Variants in GABRB1 observed in about 807,000 individuals in gnomAD.
GABRB1 encodes gamma-aminobutyric acid receptor subunit beta-1.
A neutral mutation model predicts 51.6 loss-of-function variants in GABRB1; 17 were observed. The observed-to-expected ratio is 0.33, with a 90% CI of 0.23 to 0.49. GABRB1 has a LOEUF of 0.49. GABRB1 is among the 20% of genes least tolerant of loss of function. GABRB1 has a pLI of 0.99. For synonymous variants in GABRB1, 247 were observed against 218.9 expected, an observed-to-expected ratio of 1.13 and a Z score of -1.14; for missense variants, 410 against 600.6, an observed-to-expected ratio of 0.68 and a Z score of 3.32.
chr4:47,043,470 A>G (rs889411977), intron 3 of GABRB1: 17 of 152,062 alleles, frequency 1.1e-4, no homozygotes, highest in African/African-American at 3.6e-4. Flanking sequence ...ATTTTACAGG[A>G]TGGCATCTGT....
At chr4:47,001,288 G>T (rs552747745) in intron 1 of GABRB1, among the ~76,000 whole-genome samples, 1 of 151,706 alleles carries the variant, frequency 6.6e-6, no homozygotes, top group Admixed American at 6.6e-5. Context: ...GACTACAGGC[G>T]CCCCCCACCA....
At chr4:47,187,314 T>C (rs1346435695) in intron 4 of GABRB1, among the ~76,000 whole-genome samples, 2 of 151,846 alleles carry the variant, frequency 1.3e-5, no homozygotes, top group African/African-American at 4.8e-5. Context: ...GATGCATACA[T>C]ACCTTAGGGA....
At chr4:47,110,699 C>T (rs570908474) in intron 3 of GABRB1, among the ~76,000 whole-genome samples, 2 of 152,034 alleles carry the variant, frequency 1.3e-5, no homozygotes, top group African/African-American at 4.8e-5. Context: ...TGATGAAAGC[C>T]AAGTTTTAGA....
At chr4:47,417,021 C>T (rs1169709398) in intron 8 of GABRB1, among the ~76,000 whole-genome samples, 1 of 152,112 alleles carries the variant, frequency 6.6e-6, no homozygotes, top group Admixed American at 6.5e-5. Flanking sequence ...CCTACTAAAA[C>T]ATAGAATGGG....
intron 3 of GABRB1, among the ~76,000 whole-genome samples, chr4:47,146,815 CG>C (rs1392895522): frequency 6.6e-6 from 1 of 151,962 alleles, no homozygotes; most frequent in African/African-American, 2.4e-5. Flanking sequence ...GAGTTTTCTG[CG>C]TGACTTTTCT....
chr4:47,322,191 T>C (rs1725108912), intron 5 of GABRB1, among the ~76,000 whole-genome samples: 1 of 152,138 alleles, frequency 6.6e-6, no homozygotes, highest in African/African-American at 2.4e-5. Flanking sequence ...TGTCAGATAA[T>C]AGGTGGTGAC....
intron 4 of GABRB1, among the ~76,000 whole-genome samples, chr4:47,250,627 C>A (rs941323379): frequency 1.6e-4 from 25 of 152,078 alleles, no homozygotes; most frequent in African/African-American, 6.0e-4. Context: ...TCCCAGACTT[C>A]TTGGAGGCTT....
intron 4 of GABRB1, among the ~76,000 whole-genome samples, chr4:47,264,518 G>A (rs1359193186): frequency 6.6e-6 from 1 of 152,150 alleles, no homozygotes; most frequent in East Asian, 1.9e-4. Context: ...CTACTCTTTG[G>A]GGATTTGTCT....
chr4:47,407,049 A>G (rs1728599528), intron 8 of GABRB1, 123 bp downstream of exon 8: 1 of 980,876 alleles, frequency 1.0e-6, no homozygotes, highest in African/African-American at 1.6e-5. Context: ...GACTCAACCA[A>G]GCCTTCATTT....
At chr4:47,407,933 A>T (rs974194120) in intron 8 of GABRB1, among the ~76,000 whole-genome samples, 1 of 152,156 alleles carries the variant, frequency 6.6e-6, no homozygotes, top group African/African-American at 2.4e-5. Context: ...CTCTACAAAA[A>T]ATATAAAAAT....
intron 5 of GABRB1, among the ~76,000 whole-genome samples, chr4:47,389,930 T>G (rs1022382971): frequency 6.6e-6 from 1 of 152,210 alleles, no homozygotes; most frequent in East Asian, 1.9e-4. Context: ...CTAACAATAG[T>G]TGAAATGCTG....
intron 8 of GABRB1, among the ~76,000 whole-genome samples, chr4:47,407,790 T>G (rs138133316): frequency 6.1e-4 from 93 of 152,270 alleles, no homozygotes; most frequent in African/African-American, 2.1e-3. Flanking sequence ...AAAAGGATAA[T>G]TTTAGTTACT....
At chr4:47,208,776 G>C (rs913366443) in intron 4 of GABRB1, among the ~76,000 whole-genome samples, 1 of 151,978 alleles carries the variant, frequency 6.6e-6, no homozygotes, top group African/African-American at 2.4e-5. Context: ...TTCCTGCTGG[G>C]CATGATTTAT....
chr4:47,099,180 C>G (rs1386047126), intron 3 of GABRB1, among the ~76,000 whole-genome samples: 1 of 152,052 alleles, frequency 6.6e-6, no homozygotes, highest in African/African-American at 2.4e-5. Context: ...ACATAAGTTA[C>G]AGAGCAGTGC....
At chr4:47,368,171 T>C (rs1560354458) in intron 5 of GABRB1, among the ~76,000 whole-genome samples, 1 of 152,182 alleles carries the variant, frequency 6.6e-6, no homozygotes, top group Non-Finnish European at 1.5e-5. Flanking sequence ...AATTGGAATC[T>C]CCACCCCTGC....
intron 4 of GABRB1, among the ~76,000 whole-genome samples, chr4:47,246,046 G>GTCTTTTA (rs1287675472): frequency 3.4e-5 from 5 of 147,700 alleles, no homozygotes; most frequent in Non-Finnish European, 7.4e-5. Context: ...CATATTTGTA[G>GTCTTTTA]TCTTTTATCC....
intron 4 of GABRB1, among the ~76,000 whole-genome samples, chr4:47,241,227 TG>T (rs1341840911): frequency 2.6e-5 from 4 of 152,168 alleles, no homozygotes; most frequent in Admixed American, 6.6e-5. Flanking sequence ...GCTTTCATGC[TG>T]AAAATTACAA....
At position 47,164,136 on chromosome 4, in the gene GABRB1, C is replaced by T. The variant is rs149003857; in HGVS notation, c.461+2667C>T. On this transcript the variant is annotated intron_variant, in intron 4 of 8. Coordinates refer to ENST00000295454, the MANE Select transcript of GABRB1 (RefSeq NM_000812.4). Reference sequence around the variant, plus strand: ...TCATGGGGAAATCACCCCTATGATCCGATTACCTCCCACCGGGCCCTCCCT... The same window carrying T: ...TCATGGGGAAATCACCCCTATGATCTGATTACCTCCCACCGGGCCCTCCCT... 6.2e-3 allele frequency among the ~76,000 whole-genome samples: 944 copies of T among 152,080 alleles called. 2 individuals carry two copies. The highest frequency in any genetic ancestry group is 9.6e-3 in the Non-Finnish European group (655 of 67,952).
chr4:47,271,821 T>C (rs750402433), intron 4 of GABRB1, among the ~76,000 whole-genome samples: 12 of 152,114 alleles, frequency 7.9e-5, no homozygotes, highest in African/African-American at 2.9e-4. Flanking sequence ...CAAGTAAAAT[T>C]CAGCCTGCCT....
Sources: gnomAD v4.1 joint callset for allele counts (sites outside exome capture counted in the v4.1 genomes callset) on GRCh38, gnomAD v4.1.1 for gene constraint, MANE v1.5 for transcripts, NCBI Gene and HGNC (gene_info 2026-07-23, HGNC 2026-07-21) for gene names.